Variants in STK17B observed in about 807,000 individuals in gnomAD.
STK17B encodes serine/threonine kinase 17b, also known as serine/threonine-protein kinase 17B.
A neutral mutation model predicts 42.0 loss-of-function variants in STK17B; 21 were observed. The ratio of observed to expected loss-of-function variants is 0.50; its 90% CI spans 0.35 to 0.72. STK17B has a LOEUF of 0.72. Among genes scored for constraint, STK17B ranks in the 30% least tolerant of loss-of-function variants. The pLI is 0.00. For synonymous variants in STK17B, 143 were observed against 148.4 expected (o/e 0.96, Z 0.26); for missense variants, 349 against 446.0 (o/e 0.78, Z 1.96).
At chr2:196,141,696 G>T (rs1358283406) in intron 5 of STK17B, among the ~76,000 whole-genome samples, 1 of 152,090 alleles carries the variant, frequency 6.6e-6, no homozygotes, top group Admixed American at 6.5e-5. Context: ...ATTTTGGAAA[G>T]CCTAGTGATA....
chr2:196,152,382 C>G (rs988256107), intron 3 of STK17B, among the ~76,000 whole-genome samples: 2 of 152,224 alleles, frequency 1.3e-5, no homozygotes, highest in Non-Finnish European at 2.9e-5. Flanking sequence ...GCTGGGATTA[C>G]AGGCGTGAGC....
intron 5 of STK17B, among the ~76,000 whole-genome samples, chr2:196,141,926 A>G (rs1699499629): frequency 6.6e-6 from 1 of 152,220 alleles, no homozygotes; most frequent in South Asian, 2.1e-4. Flanking sequence ...ATTTAAAAAA[A>G]AAATTAGTTT....
rs566667781 is a variant in STK17B, at chr2:196,135,826, C to T, written c.*1621G>A. The T allele has an allele frequency of 4.5e-4, 64 of 141,362 alleles. No individual in the cohort carries two copies. The highest frequency in any genetic ancestry group is 1.5e-3 in the African/African-American group (58 of 38,314). 8.8% of individuals were successfully genotyped at this position (141,362 alleles called of 1,614,324 possible). On this transcript the variant is annotated 3_prime_UTR_variant, in exon 8 of 8. Coordinates refer to ENST00000263955, the MANE Select transcript of STK17B (RefSeq NM_004226.4). ...GCTCCTTTGGCACCTGAGTTGAGCA[C>T]AATATACCACAGCAAAGAATCTTGA... is the stretch of plus-strand genomic sequence containing the variant.
intron 2 of STK17B, among the ~76,000 whole-genome samples, chr2:196,162,016 A>G (rs1699817902): frequency 6.6e-6 from 1 of 152,200 alleles, no homozygotes; most frequent in Admixed American, 6.5e-5. Context: ...ATTTATCAAC[A>G]CAAATATGGA....
intron 3 of STK17B, among the ~76,000 whole-genome samples, chr2:196,146,631 T>C (rs1699580277): frequency 6.6e-6 from 1 of 152,176 alleles, no homozygotes; most frequent in Non-Finnish European, 1.5e-5. Context: ...TTCACTGCAA[T>C]AAAGATAATA....
rs1462900861 is a variant in STK17B, at chr2:196,136,114, A to T, written c.*1333T>A. On this transcript the variant is annotated 3_prime_UTR_variant, in exon 8 of 8. Coordinates refer to ENST00000263955, the MANE Select transcript of STK17B (RefSeq NM_004226.4). ...GGGGGAACATCAGGTTGTTGTTACC[A>T]TTTGTCAAACTATTTCTTCTGATAC... 2 of 152,218 alleles carry T rather than the reference A, an allele frequency of 1.3e-5. No homozygotes were observed. Among genetic ancestry groups the T allele is most frequent in the African/African-American group, 4.8e-5 (2 of 41,452 alleles). 9.4% of individuals were successfully genotyped at this position (152,218 alleles called of 1,614,324 possible). A position where few individuals can be genotyped will look rare whatever the true frequency, so the allele number is the denominator to read the frequency against.
At position 196,134,225 on chromosome 2, in the gene STK17B, T is replaced by G. The variant is rs1398275309; in HGVS notation, c.*3222A>C. On this transcript the variant is annotated 3_prime_UTR_variant, in exon 8 of 8. Coordinates refer to ENST00000263955, the MANE Select transcript of STK17B (RefSeq NM_004226.4). ...AAGACTTCTTTGATAAAGGAAGCAATGTGTTGATTTATATTCTGGCACAAG... is the reference window on the plus strand; with the variant it reads ...AAGACTTCTTTGATAAAGGAAGCAAGGTGTTGATTTATATTCTGGCACAAG... 6.6e-6 allele frequency: 1 copy of G among 152,088 alleles called. No individual in the cohort carries two copies. Among genetic ancestry groups the G allele is most frequent in the African/African-American group, 2.4e-5 (1 of 41,392 alleles). 9.4% of individuals were successfully genotyped at this position (152,088 alleles called of 1,614,324 possible).
intron 4 of STK17B, among the ~76,000 whole-genome samples, chr2:196,144,347 C>T (rs979464769): frequency 2.6e-5 from 4 of 151,200 alleles, no homozygotes; most frequent in Non-Finnish European, 4.4e-5. Flanking sequence ...AAAAATCAGG[C>T]GTGGTGGCAG....
At chr2:196,172,538 G>C (rs1036268171), upstream of STK17B, among the ~76,000 whole-genome samples, 2 of 152,218 alleles carry the variant, frequency 1.3e-5, no homozygotes. Flanking sequence ...TTAATGTTCA[G>C]TTAGCATATA....
intron 4 of STK17B, 27 bp from the exon 5 acceptor site, chr2:196,143,713 T>G (rs755232581): frequency 1.3e-6 from 2 of 1,481,536 alleles, no homozygotes; most frequent in Non-Finnish European, 1.8e-6. Context: ...AAAAACATGA[T>G]AAGTAATATA....
chr2:196,140,043 G>C (rs1178592402), intron 6 of STK17B, among the ~76,000 whole-genome samples: 2 of 152,144 alleles, frequency 1.3e-5, no homozygotes, highest in South Asian at 2.1e-4. Context: ...ATATATTATT[G>C]CTACCGTCTA....
At chr2:196,163,526 A>C in intron 1 of STK17B, 99 bp from the exon 2 acceptor site, 1 of 950,184 alleles carries the variant, frequency 1.1e-6, no homozygotes, top group Non-Finnish European at 1.4e-6. Flanking sequence ...ACAACTAAAA[A>C]AAAAAAAGAT....
chr2:196,154,139 C>G (rs1359730149), intron 3 of STK17B: 1 of 152,170 alleles, frequency 6.6e-6, no homozygotes, highest in South Asian at 2.1e-4. Flanking sequence ...GAGGCTGAGG[C>G]AGGGCAATCG....
At chr2:196,159,681 A>T (rs974873514) in intron 2 of STK17B, among the ~76,000 whole-genome samples, 9 of 152,186 alleles carry the variant, frequency 5.9e-5, no homozygotes, top group Non-Finnish European at 8.8e-5. Context: ...GATGTGGATA[A>T]TGATTTATTT....
At position 196,140,973 on chromosome 2, in the gene STK17B, T is replaced by C. The variant is rs74864204; in HGVS notation, c.656+276A>G. On this transcript the variant is annotated intron_variant, in intron 6 of 7. Coordinates refer to ENST00000263955, the MANE Select transcript of STK17B (RefSeq NM_004226.4). Reference sequence around the variant, plus strand: ...AGCATTTCACCTTCATCATAAAATATGTAGCAATGTACTGCAAGTATTTTG... The same window carrying C: ...AGCATTTCACCTTCATCATAAAATACGTAGCAATGTACTGCAAGTATTTTG... Among the ~76,000 whole-genome samples the C allele has an allele frequency of 5.5e-4, 84 of 152,336 alleles. 1 individual carries two copies. The East Asian group carries it at 0.012, about 22-fold the overall frequency.
chr2:196,170,649 T>C (rs753384865), intron 1 of STK17B, among the ~76,000 whole-genome samples: 2 of 152,222 alleles, frequency 1.3e-5, no homozygotes, highest in African/African-American at 2.4e-5. Context: ...TCAAAAATCG[T>C]TGGCATCCAG....
chr2:196,134,838 C>T lies in STK17B; in HGVS notation c.*2609G>A, dbSNP rs1699373939. The T allele has an allele frequency of 2.0e-5, 3 of 152,166 alleles. No individual in the cohort carries two copies. The highest frequency in any genetic ancestry group is 1.3e-4 in the Admixed American group (2 of 15,282). The allele number at this position is 152,166 out of a possible 1,614,324, so 9.4% of individuals were successfully genotyped here. A position where few individuals can be genotyped will look rare whatever the true frequency, so the allele number is the denominator to read the frequency against. ...CTCACAGGGGCTCTCTAGATTCCTA[C>T]TTTAGAGAAATACATTATGCTTTTC... is the stretch of plus-strand genomic sequence containing the variant. On this transcript the variant is annotated 3_prime_UTR_variant, in exon 8 of 8. Transcript: ENST00000263955.
chr2:196,172,393 CACACAT>C (rs1223490446), upstream of STK17B, among the ~76,000 whole-genome samples: 5 of 152,210 alleles, frequency 3.3e-5, no homozygotes, highest in Non-Finnish European at 5.9e-5. Flanking sequence ...GTATAGGATA[CACACAT>C]ACTCATACAT....
intron 3 of STK17B, among the ~76,000 whole-genome samples, chr2:196,149,793 C>T (rs1340827649): frequency 1.3e-5 from 2 of 152,092 alleles, no homozygotes; most frequent in Non-Finnish European, 2.9e-5. Flanking sequence ...CATGTGATTT[C>T]CCTTTTCTGT....
Sources: allele counts gnomAD v4.1 joint callset (sites outside exome capture counted in the v4.1 genomes callset), GRCh38; gene constraint gnomAD v4.1.1; transcripts MANE v1.5; gene names NCBI Gene and HGNC (gene_info 2026-07-23, HGNC 2026-07-21).